The following ARHGAP39 variants were observed in gnomAD, a reference collection of about 807,000 sequenced individuals.
ARHGAP39 encodes the protein Rho GTPase activating protein 39.
A neutral mutation model predicts 106.9 loss-of-function variants in ARHGAP39; 44 were observed. The ratio of observed to expected loss-of-function variants is 0.41; its 90% CI spans 0.32 to 0.53. The LOEUF (loss-of-function observed/expected upper bound fraction) is 0.53, where lower values mean the gene tolerates loss of function less well. Ranked by LOEUF, ARHGAP39 falls within the 20% of genes least tolerant of loss-of-function variation. ARHGAP39 has a pLI of 0.21. For synonymous variants in ARHGAP39, 768 were observed against 693.2 expected, an observed-to-expected ratio of 1.11 and a Z score of -1.69; for missense variants, 1,496 against 1,577.3, an observed-to-expected ratio of 0.95 and a Z score of 0.87.
intron 2 of ARHGAP39, among the ~76,000 whole-genome samples, chr8:144,587,923 G>A (rs1819242945): frequency 6.6e-6 from 1 of 152,176 alleles, no homozygotes; most frequent in South Asian, 2.1e-4. Context: ...GATTACAGGC[G>A]TGAGCCACCG....
chr8:144,690,646 T>C (rs1457102734), upstream of ARHGAP39, among the ~76,000 whole-genome samples: 3 of 140,824 alleles, frequency 2.1e-5, no homozygotes, highest in East Asian at 6.0e-4. Context: ...TTTGCCTGCC[T>C]TTTTTTTTTT....
intron 1 of ARHGAP39, among the ~76,000 whole-genome samples, chr8:144,635,126 T>C (rs1013382973): frequency 2.6e-5 from 4 of 152,198 alleles, no homozygotes; most frequent in East Asian, 3.9e-4. Context: ...AGAATCTCCA[T>C]GGTTATGTTG....
At chr8:144,556,537 C>T (rs547008821) in intron 3 of ARHGAP39, among the ~76,000 whole-genome samples, 21 of 145,478 alleles carry the variant, frequency 1.4e-4, no homozygotes, top group African/African-American at 4.4e-4. Flanking sequence ...TAGTATTCAG[C>T]GGCAAAAGCC....
At chr8:144,652,627 G>A (rs1821601435) in intron 1 of ARHGAP39, among the ~76,000 whole-genome samples, 1 of 152,192 alleles carries the variant, frequency 6.6e-6, no homozygotes. Context: ...GATGGAGCTG[G>A]AGGCTATTCT....
In ARHGAP39 at chr8:144,534,177, C is replaced by T. The variant is rs746088372; in HGVS notation, c.2640G>A (p.Lys880=). 38 of 1,613,406 alleles carry T rather than the reference C, an allele frequency of 2.4e-5. No individual in the cohort carries two copies. Among genetic ancestry groups the T allele is most frequent in the Non-Finnish European group, 8.5e-7 (1 of 1,179,866 alleles). The change falls in exon 8 of 12, where the codon AAG becomes AAA. Residue 880 remains lysine (K), a synonymous_variant. Transcript: ENST00000377307. ...PDGVAISTYA[K]YCYHKLQKAA... ...CCTTCTGTAGCTTGTGGTAACAGTA[C>T]TTGGCATACGTGCTTATCGCCACCC...
At chr8:144,541,754 T>G (rs1253304816) in intron 6 of ARHGAP39, among the ~76,000 whole-genome samples, 1 of 152,230 alleles carries the variant, frequency 6.6e-6, no homozygotes, top group African/African-American at 2.4e-5. Context: ...TGTTTCTCCA[T>G]TCAGCTGCTG....
chr8:144,615,333 A>G (rs1820605858), intron 1 of ARHGAP39, among the ~76,000 whole-genome samples: 1 of 152,148 alleles, frequency 6.6e-6, no homozygotes, highest in Admixed American at 6.5e-5. Context: ...AAAATTAGAA[A>G]AAAAAAAACA....
At chr8:144,631,944 C>A (rs968587624) in intron 1 of ARHGAP39, among the ~76,000 whole-genome samples, 3 of 152,210 alleles carry the variant, frequency 2.0e-5, no homozygotes, top group African/African-American at 7.2e-5. Flanking sequence ...CGTATCTCAG[C>A]TGCCACCTCT....
chr8:144,561,843 A>G (rs1302797370), intron 3 of ARHGAP39, among the ~76,000 whole-genome samples: 4 of 137,960 alleles, frequency 2.9e-5, no homozygotes, highest in Non-Finnish European at 6.1e-5. Flanking sequence ...ATCGGGCTCC[A>G]GTGGTTTCCA....
chr8:144,617,976 C>T (rs1449168960), intron 1 of ARHGAP39, among the ~76,000 whole-genome samples: 1 of 151,858 alleles, frequency 6.6e-6, no homozygotes, highest in Non-Finnish European at 1.5e-5. Context: ...GAGATGGGGT[C>T]TCTCTATGCT....
In ARHGAP39 at chr8:144,679,719, GC is replaced by G. The variant is rs1414789742; in HGVS notation, c.-82+5966del. Among the ~76,000 whole-genome samples the G allele has an allele frequency of 6.6e-5, 10 of 152,312 alleles. No individual in the cohort carries two copies. The South Asian group carries it at 2.1e-3, about 32-fold the overall frequency. On this transcript the variant is annotated intron_variant, in intron 1 of 11. Transcript: ENST00000377307. The surrounding 1 kb of genome is among the most constrained non-coding windows in gnomAD (Gnocchi z 4.7). Reference sequence around the variant, plus strand: ...ATCTAGGCCGGGCGCAGTGTCTCACGCCTGTAATCCCAGCACTTTGGGAGGC... The same window carrying G: ...ATCTAGGCCGGGCGCAGTGTCTCACGCTGTAATCCCAGCACTTTGGGAGGC...
intron 1 of ARHGAP39, among the ~76,000 whole-genome samples, chr8:144,658,394 C>T (rs181793821): frequency 6.6e-6 from 1 of 152,296 alleles, no homozygotes; most frequent in Admixed American, 6.5e-5. Flanking sequence ...CCTGCCTCAG[C>T]CTCCCAAGTA....
At chr8:144,554,870 A>T (rs1296250975) in intron 4 of ARHGAP39, among the ~76,000 whole-genome samples, 1 of 152,204 alleles carries the variant, frequency 6.6e-6, no homozygotes, top group Non-Finnish European at 1.5e-5. Flanking sequence ...GTCTGTGCAG[A>T]ACGCCAGAGC....
At chr8:144,595,243 C>A (rs773761474) in intron 2 of ARHGAP39, among the ~76,000 whole-genome samples, 1 of 152,188 alleles carries the variant, frequency 6.6e-6, no homozygotes, top group Admixed American at 6.5e-5. Flanking sequence ...CATCCCTACA[C>A]GGGAATATTG....
intron 1 of ARHGAP39, among the ~76,000 whole-genome samples, chr8:144,653,865 G>C (rs1821632035): frequency 6.6e-6 from 1 of 152,200 alleles, no homozygotes; most frequent in South Asian, 2.1e-4. Flanking sequence ...ACTAGAAATT[G>C]TAATAACTAG....
chr8:144,541,048 C>T (rs983421538), intron 6 of ARHGAP39, among the ~76,000 whole-genome samples: 1 of 152,156 alleles, frequency 6.6e-6, no homozygotes, highest in African/African-American at 2.4e-5. Flanking sequence ...GATGGGGTTT[C>T]ACCATGTTGG....
In ARHGAP39 at chr8:144,552,206, C is replaced by T. The variant is rs141948818; in HGVS notation, c.596+3354G>A. 5.3e-5 allele frequency among the ~76,000 whole-genome samples: 8 copies of T among 152,308 alleles called. No individual in the cohort carries two copies. The East Asian group carries it at 9.6e-4, about 18-fold the overall frequency. ...GCAGATTTGGTGACAGAGGATGGGA[C>T]GACAATAAGGGCCCTGAGGGCTGCT... On this transcript the variant is annotated intron_variant, in intron 4 of 11. Transcript: ENST00000377307.
chr8:144,624,174 C>T (rs1820878989), intron 1 of ARHGAP39, among the ~76,000 whole-genome samples: 1 of 152,190 alleles, frequency 6.6e-6, no homozygotes, highest in Non-Finnish European at 1.5e-5. Context: ...TAAGCCACAC[C>T]CACCTGCACC....
chr8:144,674,944 T>C (rs1465717553), intron 1 of ARHGAP39, among the ~76,000 whole-genome samples: 1 of 152,138 alleles, frequency 6.6e-6, no homozygotes, highest in Non-Finnish European at 1.5e-5. Context: ...GGGAGGAGGC[T>C]GGCCTGCTTC....
Sources: allele counts gnomAD v4.1 joint callset (sites outside exome capture counted in the v4.1 genomes callset), GRCh38; gene constraint gnomAD v4.1.1; non-coding constraint Gnocchi (gnomAD v3.1); transcripts MANE v1.5; gene names NCBI Gene and HGNC (gene_info 2026-07-23, HGNC 2026-07-21).